RRBP1: variants seen among roughly 807,000 people sequenced by gnomAD.
RRBP1 encodes the protein ribosome binding protein 1, also known as ribosome-binding protein 1.
Under a neutral mutation model 165.2 loss-of-function variants are expected in RRBP1, and 94 were observed. The observed-to-expected ratio is 0.57, with a 90% CI of 0.48 to 0.68. RRBP1 has a LOEUF of 0.68. RRBP1 is among the 30% of genes least tolerant of loss of function. The pLI is 0.00. For synonymous variants in RRBP1, 680 were observed against 714.5 expected (o/e 0.95, Z 0.77); for missense variants, 1,676 against 1,763.0 (o/e 0.95, Z 0.88).
At chr20:17,662,458 G>A (rs563529230) in intron 2 of RRBP1, among the ~76,000 whole-genome samples, 1 of 152,312 alleles carries the variant, frequency 6.6e-6, no homozygotes, top group African/African-American at 2.4e-5. Flanking sequence ...ACTCGGCGTT[G>A]AGCGAGACTG....
intron 11 of RRBP1, among the ~76,000 whole-genome samples, chr20:17,626,456 C>A (rs1408003569): frequency 6.6e-6 from 1 of 152,226 alleles, no homozygotes; most frequent in Non-Finnish European, 1.5e-5. Context: ...AGCCCAAATG[C>A]CAGGGAACAT....
At chr20:17,637,479 C>T (rs1280367933) in intron 5 of RRBP1, among the ~76,000 whole-genome samples, 1 of 152,122 alleles carries the variant, frequency 6.6e-6, no homozygotes, top group Non-Finnish European at 1.5e-5. Context: ...GTCTAGCAGG[C>T]CTGGACAGAC....
chr20:17,654,141 AAC>A (rs2036606899), intron 3 of RRBP1, among the ~76,000 whole-genome samples: 1 of 152,136 alleles, frequency 6.6e-6, no homozygotes, highest in Non-Finnish European at 1.5e-5. Flanking sequence ...CCGTCCACGT[AAC>A]ATAGACTCGA....
chr20:17,663,893 T>G lies in RRBP1; in HGVS notation c.-21-3365A>C, dbSNP rs1334208147. ...AGGGTCTGACCACAGGGATCTATAT[T>G]CTGTCAATTCCAGAAACTTCTGTCA... On this transcript the variant is annotated intron_variant, in intron 2 of 24. Coordinates refer to ENST00000377813, the MANE Select transcript of RRBP1 (RefSeq NM_001365613.2). Among the ~76,000 whole-genome samples the G allele has an allele frequency of 2.0e-5, 3 of 152,190 alleles. No individual in the cohort carries two copies. In the East Asian group the frequency reaches 5.8e-4, roughly 29 times the overall value.
At chr20:17,677,372 G>C (rs941407180) in intron 2 of RRBP1, among the ~76,000 whole-genome samples, 1 of 152,040 alleles carries the variant, frequency 6.6e-6, no homozygotes, top group Non-Finnish European at 1.5e-5. Flanking sequence ...AGTCTTAGTG[G>C]GCCTCCTTTC....
At chr20:17,633,358 G>T in intron 8 of RRBP1, 102 bp downstream of exon 8, 2 of 1,264,266 alleles carry the variant, frequency 1.6e-6, no homozygotes, top group South Asian at 1.4e-5. Context: ...GGCTAGAAAC[G>T]GGTGCCCAGT....
chr20:17,661,177 C>T (rs1020851519), intron 2 of RRBP1, among the ~76,000 whole-genome samples: 1 of 152,150 alleles, frequency 6.6e-6, no homozygotes, highest in Non-Finnish European at 1.5e-5. Context: ...CTGTTGTTTC[C>T]CTCTTCCCCA....
At chr20:17,673,113 T>C (rs745748318) in intron 2 of RRBP1, among the ~76,000 whole-genome samples, 1 of 152,250 alleles carries the variant, frequency 6.6e-6, no homozygotes, top group African/African-American at 2.4e-5. Context: ...TTTTTCTGTA[T>C]ATATTTTACT....
At chr20:17,635,037 C>T (rs1215529042) in intron 7 of RRBP1, among the ~76,000 whole-genome samples, 3 of 152,128 alleles carry the variant, frequency 2.0e-5, no homozygotes, top group African/African-American at 4.8e-5. Flanking sequence ...CAGGACACTT[C>T]GGACCAGAGA....
Position 17,667,292 on chromosome 20 carries a change from T to A in RRBP1, c.-21-6764A>T, listed in dbSNP as rs188474238. Among the ~76,000 whole-genome samples, 247 of 152,278 alleles carry A rather than the reference T, an allele frequency of 1.6e-3. 1 individual carries two copies. The highest frequency in any genetic ancestry group is 2.4e-3 in the Non-Finnish European group (163 of 68,030). On this transcript the variant is annotated intron_variant, in intron 2 of 24. Transcript: ENST00000377813. ...TGGCTAGAGTGCTGATTTTTAACAATTTCGATACAATTTAACAACATCAAT... is the reference window on the plus strand; with the variant it reads ...TGGCTAGAGTGCTGATTTTTAACAAATTCGATACAATTTAACAACATCAAT...
chr20:17,624,316 CTG>C (rs2035971363), intron 13 of RRBP1, among the ~76,000 whole-genome samples: 1 of 152,198 alleles, frequency 6.6e-6, no homozygotes, highest in Non-Finnish European at 1.5e-5. Context: ...ACCTGTGCGT[CTG>C]TGTGTCCTAG....
chr20:17,633,717 G>A (rs1204610252), intron 7 of RRBP1, 104 bp from the exon 8 acceptor site: 1 of 1,221,218 alleles, frequency 8.2e-7, no homozygotes, highest in African/African-American at 1.5e-5. Context: ...GTAAGCAGTT[G>A]CCCAAGTCTT....
intron 2 of RRBP1, among the ~76,000 whole-genome samples, chr20:17,674,314 A>G (rs997333146): frequency 2.6e-5 from 4 of 152,224 alleles, no homozygotes; most frequent in Admixed American, 6.5e-5. Context: ...ACCCTGCCTC[A>G]GCCATTGCTC....
intron 11 of RRBP1, among the ~76,000 whole-genome samples, chr20:17,626,724 A>G (rs1293655382): frequency 6.6e-6 from 1 of 151,482 alleles, no homozygotes; most frequent in African/African-American, 2.4e-5. Flanking sequence ...GGTCACAAGG[A>G]CTCCGGCCCC....
rs2036719208 is a variant in RRBP1, at chr20:17,659,601, C to G, written c.907G>C (p.Glu303Gln). The G allele has an allele frequency of 1.3e-6, 2 of 1,550,292 alleles. No individual in the cohort carries two copies. The highest frequency in any genetic ancestry group is 8.7e-7 in the Non-Finnish European group (1 of 1,146,806). ...TTTTTGCCCTGGTTCTGGGCCCCTT[C>G]TACCTTTTTGGCCTGGTTCTGAGCC... Reference protein sequence around the residue: ...EGAQNQAKKVEGAQNQGKKAE... With the variant: ...EGAQNQAKKVQGAQNQGKKAE... The change falls in exon 3 of 25, where the codon GAA becomes CAA. Residue 303 changes from glutamate (E) to glutamine (Q), a missense_variant. Glu to Gln is a conservative substitution (Grantham distance 29). This residue lies in a region of RRBP1 where 392 missense variants were observed against 382.5 expected (regional missense o/e 1.02). Coordinates refer to ENST00000377813, the MANE Select transcript of RRBP1 (RefSeq NM_001365613.2).
intron 8 of RRBP1, among the ~76,000 whole-genome samples, chr20:17,632,717 C>T (rs890042964): frequency 6.6e-6 from 1 of 152,152 alleles, no homozygotes; most frequent in Non-Finnish European, 1.5e-5. Context: ...ATCAAGGTGC[C>T]TCATGCCCTG....
At position 17,653,579 on chromosome 20, in the gene RRBP1, T is replaced by C. The variant is rs1047502135; in HGVS notation, c.1912+5017A>G. Among the ~76,000 whole-genome samples, 27 of 152,332 alleles carry C rather than the reference T, an allele frequency of 1.8e-4. 1 individual carries two copies. Among genetic ancestry groups the C allele is most frequent in the African/African-American group, 6.3e-4 (26 of 41,578 alleles). On this transcript the variant is annotated intron_variant, in intron 3 of 24. Coordinates refer to ENST00000377813, the MANE Select transcript of RRBP1 (RefSeq NM_001365613.2). ...GGCCAGGCGCGGTGGCTCACGCCTA[T>C]AACCCCAGCACTTTGGGAGGCCAAG...
chr20:17,676,212 T>TA (rs2037079131), intron 2 of RRBP1, among the ~76,000 whole-genome samples: 1 of 151,712 alleles, frequency 6.6e-6, no homozygotes. Flanking sequence ...CTCTCAGAAA[T>TA]AAAAAATCAA....
At chr20:17,633,647 G>A (rs1027674597) in intron 7 of RRBP1, 34 bp from the exon 8 acceptor site, 1 of 1,608,806 alleles carries the variant, frequency 6.2e-7, no homozygotes, top group African/African-American at 1.3e-5. Context: ...CTAATGGAAA[G>A]AAAAGGGTGA....
Sources: allele counts gnomAD v4.1 joint callset (sites outside exome capture counted in the v4.1 genomes callset), GRCh38; gene constraint gnomAD v4.1.1; regional missense constraint gnomAD v4.1.1; transcripts MANE v1.5; gene names NCBI Gene and HGNC (gene_info 2026-07-23, HGNC 2026-07-21).